CAPN5: variants seen among roughly 807,000 people sequenced by gnomAD.
The protein encoded by CAPN5 is calpain-5.
In CAPN5, 54 loss-of-function variants were observed where a neutral mutation model predicts 73.0. That is an observed-to-expected ratio of 0.74 (90% CI 0.59 to 0.93). CAPN5 has a LOEUF of 0.93. Ranked by LOEUF, CAPN5 falls within the 40% of genes least tolerant of loss-of-function variation. The probability of loss-of-function intolerance (pLI) is 0.00; values close to 1 mark genes in which losing one functional copy is unlikely to be tolerated. For missense variants in CAPN5, 785 were observed against 882.9 expected, an observed-to-expected ratio of 0.89 and a Z score of 1.41; for synonymous variants, 335 against 356.9, an observed-to-expected ratio of 0.94 and a Z score of 0.69.
chr11:77,121,865 A>AC lies in CAPN5; in HGVS notation c.1488-64dup, dbSNP rs1162817608. 5 of 768,032 alleles carry AC rather than the reference A, an allele frequency of 6.5e-6. No homozygotes were observed. In the African/African-American group the frequency reaches 8.8e-5, roughly 14 times the overall value. 47.6% of individuals were successfully genotyped at this position (768,032 alleles called of 1,614,324 possible). On this transcript the variant is annotated intron_variant, in intron 10 of 12. Transcript: ENST00000648180. ...CTTCTCTTCCCTTCCCACTTCCTGA[A>AC]CCCCCTCTTCACCCCTGTCTTCCTG...
chr11:77,116,379 A>G, intron 7 of CAPN5, 76 bp downstream of exon 7: 2 of 1,171,538 alleles, frequency 1.7e-6, no homozygotes, highest in Non-Finnish European at 2.5e-6. Context: ...CCAGGTGGGG[A>G]GTCAGGAGCC....
intron 3 of CAPN5, among the ~76,000 whole-genome samples, chr11:77,097,066 C>CA (rs1291329943): frequency 6.6e-6 from 1 of 152,028 alleles, no homozygotes; most frequent in Non-Finnish European, 1.5e-5. Context: ...ACTAAAAATA[C>CA]AAAAAATTAG....
intron 1 of CAPN5, among the ~76,000 whole-genome samples, chr11:77,072,800 T>C (rs1161270795): frequency 1.3e-5 from 2 of 152,176 alleles, no homozygotes; most frequent in Admixed American, 1.3e-4. Context: ...TAGGACTGCC[T>C]GTACAGGAAG....
chr11:77,103,256 G>A, intron 3 of CAPN5: 1 of 1,613,496 alleles, frequency 6.2e-7, no homozygotes, highest in Non-Finnish European at 8.5e-7. Context: ...GCAAGGTCAT[G>A]TACTTCCTCG....
intron 2 of CAPN5, chr11:77,087,910 C>T: frequency 6.5e-7 from 1 of 1,535,916 alleles, no homozygotes; most frequent in South Asian, 1.2e-5. Context: ...CACCCTTCAC[C>T]CACAGGCTCG....
intron 1 of CAPN5, among the ~76,000 whole-genome samples, chr11:77,067,632 CGTGTGTGTGTGT>C (rs71043542): frequency 8.7e-5 from 11 of 126,734 alleles, no homozygotes; most frequent in South Asian, 8.1e-4. Flanking sequence ...GGCGGGCGCA[CGTGTGTGTGTGT>C]GTGTGTGTGT....
Position 77,068,500 on chromosome 11 carries a change from A to T in CAPN5, c.-36+1406A>T, listed in dbSNP as rs150416066. Among the ~76,000 whole-genome samples the T allele has an allele frequency of 3.2e-3, 489 of 152,254 alleles. 3 individuals carry two copies. The highest frequency in any genetic ancestry group is 0.011 in the African/African-American group (466 of 41,540). On this transcript the variant is annotated intron_variant, in intron 1 of 12. Coordinates refer to ENST00000648180, the MANE Select transcript of CAPN5 (RefSeq NM_004055.5). ...ATCCACCAAGCAGAAAAGAAAAGGC[A>T]GGTCATTGCAGCCCCAAGGAACAGC...
chr11:77,109,469 A>G (rs923866721), intron 3 of CAPN5, among the ~76,000 whole-genome samples: 3 of 152,192 alleles, frequency 2.0e-5, no homozygotes, highest in Admixed American at 6.5e-5. Context: ...GAATTGGAAC[A>G]TATTTGATGT....
intron 4 of CAPN5, among the ~76,000 whole-genome samples, chr11:77,113,208 C>T (rs1018507558): frequency 3.9e-5 from 6 of 152,220 alleles, no homozygotes; most frequent in East Asian, 1.9e-4. Context: ...CTGCCTTCCC[C>T]GCCTGCTGGG....
At chr11:77,116,579 G>A (rs782400642) in intron 7 of CAPN5, among the ~76,000 whole-genome samples, 3 of 152,190 alleles carry the variant, frequency 2.0e-5, no homozygotes, top group Non-Finnish European at 2.9e-5. Flanking sequence ...TTGGCATGCA[G>A]GTCAGGGAGC....
chr11:77,078,959 A>G (rs1352854134), intron 1 of CAPN5, among the ~76,000 whole-genome samples: 7 of 152,128 alleles, frequency 4.6e-5, no homozygotes, highest in Non-Finnish European at 1.0e-4. Flanking sequence ...TTATCATGAA[A>G]GGATGCTGAA....
chr11:77,090,472 T>C (rs548459775), intron 2 of CAPN5, among the ~76,000 whole-genome samples: 2 of 152,208 alleles, frequency 1.3e-5, no homozygotes, highest in South Asian at 4.1e-4. Flanking sequence ...GTGCTTAGTG[T>C]TGGGAGACCC....
rs370927367 is a variant in CAPN5, at chr11:77,103,161, C to T, written c.297+9348C>T. Reference sequence around the variant, plus strand: ...GCTGGACCCCACTGCCATCTTCTGGCGCAAGGAGGACTCGGATGCCATAGA... The same window carrying T: ...GCTGGACCCCACTGCCATCTTCTGGTGCAAGGAGGACTCGGATGCCATAGA... On this transcript the variant is annotated intron_variant, in intron 3 of 12. Transcript: ENST00000648180. 2.7e-5 allele frequency: 44 copies of T among 1,613,774 alleles called. No individual in the cohort carries two copies. The highest frequency in any genetic ancestry group is 1.3e-4 in the East Asian group (6 of 44,872).
intron 4 of CAPN5, among the ~76,000 whole-genome samples, chr11:77,113,746 G>T (rs1488826826): frequency 2.5e-5 from 1 of 40,328 alleles, no homozygotes; most frequent in Non-Finnish European, 4.6e-5. Context: ...GGTCGACCCA[G>T]TGGCCTTGGT....
chr11:77,097,252 A>G (rs1591127385), intron 3 of CAPN5, among the ~76,000 whole-genome samples: 1 of 152,008 alleles, frequency 6.6e-6, no homozygotes, highest in South Asian at 2.1e-4. Context: ...GCCTCCCACT[A>G]TGTCCCTGAC....
At chr11:77,070,509 C>T (rs773602803) in intron 1 of CAPN5, among the ~76,000 whole-genome samples, 10 of 152,344 alleles carry the variant, frequency 6.6e-5, no homozygotes, top group South Asian at 2.1e-4. Context: ...TGTTGTACAG[C>T]GGAGCAACTC....
At chr11:77,122,776 G>C in intron 12 of CAPN5, 64 bp downstream of exon 12, 1 of 1,600,042 alleles carries the variant, frequency 6.2e-7, no homozygotes, top group South Asian at 1.1e-5. Flanking sequence ...CACTCAGGGG[G>C]ACAAGCCCAG....
intron 1 of CAPN5, chr11:77,071,707 C>T (rs552034222): frequency 2.3e-6 from 1 of 434,196 alleles, no homozygotes. Flanking sequence ...TGTTGCCCAG[C>T]CTGACATCTT....
In CAPN5 at chr11:77,104,159, G is replaced by A. The variant is rs191526221; in HGVS notation, c.298-8430G>A. ...ATGGCTCTTAACAGGGGCCTGGTCC[G>A]GATGACCTTGGCCTGGGGGCTTGCT... On this transcript the variant is annotated intron_variant, in intron 3 of 12. Transcript: ENST00000648180. Among the ~76,000 whole-genome samples, 57 of 152,294 alleles carry A rather than the reference G, an allele frequency of 3.7e-4. 1 individual carries two copies. The highest frequency in any genetic ancestry group is 1.3e-3 in the African/African-American group (54 of 41,548).
Sources: allele counts gnomAD v4.1 joint callset (sites outside exome capture counted in the v4.1 genomes callset), GRCh38; gene constraint gnomAD v4.1.1; transcripts MANE v1.5; gene names NCBI Gene and HGNC (gene_info 2026-07-23, HGNC 2026-07-21).